HIVEP1: variants seen among roughly 807,000 people sequenced by gnomAD.
HIVEP1 encodes zinc finger protein 40.
A neutral mutation model predicts 180.0 loss-of-function variants in HIVEP1; 36 were observed. That is an observed-to-expected ratio of 0.20 (90% CI 0.15 to 0.26). The LOEUF is 0.26. Among genes scored for constraint, HIVEP1 ranks in the 10% least tolerant of loss-of-function variants. The pLI, the probability that HIVEP1 is intolerant of heterozygous loss-of-function variation, is 1.00. For synonymous variants in HIVEP1, 1,239 were observed against 1,239.0 expected, an observed-to-expected ratio of 1.00 and a Z score of 0.00; for missense variants, 3,143 against 3,268.7, an observed-to-expected ratio of 0.96 and a Z score of 0.94.
chr6:12,119,442 A>G (rs1443818400), intron 3 of HIVEP1, among the ~76,000 whole-genome samples: 1 of 152,240 alleles, frequency 6.6e-6, no homozygotes, highest in Non-Finnish European at 1.5e-5. Context: ...ACCAGCTTCA[A>G]CCAGTCAACC....
At chr6:12,040,240 C>T (rs757893613) in intron 2 of HIVEP1, among the ~76,000 whole-genome samples, 4 of 152,002 alleles carry the variant, frequency 2.6e-5, no homozygotes, top group Non-Finnish European at 4.4e-5. Flanking sequence ...TAACTGTGTT[C>T]GAATCTTTGC....
intron 2 of HIVEP1, among the ~76,000 whole-genome samples, chr6:12,058,205 G>A (rs66727286): frequency 0.062 from 9,399 of 151,738 alleles, 342 homozygotes; most frequent in Middle Eastern, 0.17. Context: ...GTTTGTCAGT[G>A]TCAATATTGC....
chr6:12,167,644 TACA>T (rs1760747919), downstream of HIVEP1, among the ~76,000 whole-genome samples: 1 of 24,684 alleles, frequency 4.1e-5, no homozygotes, highest in African/African-American at 1.7e-4. Flanking sequence ...TATATACATA[TACA>T]TATATATGTT....
At chr6:12,015,043 G>C (rs1217612900) in intron 1 of HIVEP1, among the ~76,000 whole-genome samples, 1 of 152,214 alleles carries the variant, frequency 6.6e-6, no homozygotes, top group African/African-American at 2.4e-5. Flanking sequence ...CTCCTCACAC[G>C]TTCCTGGGAA....
intron 1 of HIVEP1, among the ~76,000 whole-genome samples, chr6:12,014,916 G>A (rs1298801612): frequency 6.6e-6 from 1 of 152,230 alleles, no homozygotes; most frequent in Non-Finnish European, 1.5e-5. Context: ...TTGCTGTCTG[G>A]AGCAGTGCTG....
intron 2 of HIVEP1, 84 bp from the exon 3 acceptor site, chr6:12,089,098 ACT>A: frequency 1.5e-6 from 1 of 683,316 alleles, no homozygotes; most frequent in Non-Finnish European, 2.6e-6. Context: ...GGTATCTGAC[ACT>A]GTTTAAAAGT....
chr6:12,076,757 A>G (rs1428525177), intron 2 of HIVEP1, among the ~76,000 whole-genome samples: 1 of 152,172 alleles, frequency 6.6e-6, no homozygotes, highest in African/African-American at 2.4e-5. Context: ...CAACACATGC[A>G]TTTTGGAGGG....
Position 12,163,545 on chromosome 6 carries a change from C to G in HIVEP1, c.7241C>G (p.Ser2414Cys), listed in dbSNP as rs1239021728. The change falls in exon 9 of 9, where the codon TCC becomes TGC. Residue 2414 changes from serine (S) to cysteine (C), a missense_variant. By Grantham distance (112) the Ser-to-Cys change is moderately radical (BLOSUM62 -1). Around this residue, in one of 12 missense-constraint regions of HIVEP1, gnomAD observed 595 missense variants for 602.2 expected, o/e 0.99. Transcript: ENST00000379388. ...GTGGTACCTGCTGGCCTCACATACT[C>G]CACGTTTGTGCCCCTTCAGGCTGGA... is the stretch of plus-strand genomic sequence containing the variant. ...IHVVPAGLTYSTFVPLQAGPV... is the reference protein window; with the variant it reads ...IHVVPAGLTYCTFVPLQAGPV... The G allele has an allele frequency of 1.9e-6, 3 of 1,614,196 alleles. No homozygotes were observed. The highest frequency in any genetic ancestry group is 2.5e-6 in the Non-Finnish European group (3 of 1,180,034).
chr6:12,101,603 A>G (rs535674304), intron 3 of HIVEP1, among the ~76,000 whole-genome samples: 1 of 152,156 alleles, frequency 6.6e-6, no homozygotes, highest in Admixed American at 6.5e-5. Flanking sequence ...ATCTCTATAA[A>G]TGAAAAAATT....
chr6:12,065,674 TGTGTGTGTGTGTGTGTGC>T (rs1452007428), intron 2 of HIVEP1, among the ~76,000 whole-genome samples: 4 of 75,266 alleles, frequency 5.3e-5, no homozygotes, highest in African/African-American at 1.5e-4. Flanking sequence ...AGGTTTTGTG[TGTGTGTGTGTGTGTGTGC>T]GTGTGTGTGT....
chr6:12,206,238 A>G, the HIVEP1 span, among the ~76,000 whole-genome samples: 1 of 152,098 alleles, frequency 6.6e-6, no homozygotes, highest in South Asian at 2.1e-4. Context: ...ATTTCAACCA[A>G]TTCTCCTGCC....
At chr6:12,130,965 A>G (rs775993564) in intron 6 of HIVEP1, 23 bp downstream of exon 6, 190 of 1,555,846 alleles carry the variant, frequency 1.2e-4, no homozygotes, top group Admixed American at 1.8e-4. Context: ...CATTGCTTCA[A>G]GGTCCTTTTA....
intron 8 of HIVEP1, among the ~76,000 whole-genome samples, chr6:12,163,003 T>C (rs1439344523): frequency 6.6e-6 from 1 of 152,152 alleles, no homozygotes; most frequent in Non-Finnish European, 1.5e-5. Flanking sequence ...CTGTGTACAA[T>C]ATGACAAAAT....
At chr6:12,045,397 C>G (rs1770059432) in intron 2 of HIVEP1, among the ~76,000 whole-genome samples, 1 of 152,162 alleles carries the variant, frequency 6.6e-6, no homozygotes, top group African/African-American at 2.4e-5. Context: ...TGTTAACATG[C>G]CAGGGCAGAT....
chr6:12,029,853 G>T (rs1395209066), intron 2 of HIVEP1, among the ~76,000 whole-genome samples: 3 of 151,920 alleles, frequency 2.0e-5, no homozygotes, highest in Admixed American at 6.6e-5. Context: ...CATACTAATA[G>T]GTCTTACATA....
chr6:12,036,371 A>G (rs144666065), intron 2 of HIVEP1, among the ~76,000 whole-genome samples: 96 of 152,350 alleles, frequency 6.3e-4, no homozygotes, highest in African/African-American at 2.1e-3. Context: ...GTAAAAATCC[A>G]CGTATGTATA....
upstream of HIVEP1, among the ~76,000 whole-genome samples, chr6:12,011,720 C>T (rs954432523): frequency 1.3e-4 from 20 of 148,994 alleles, no homozygotes; most frequent in African/African-American, 4.1e-4. Flanking sequence ...AGACCCGGGG[C>T]ACTGGCTCCG....
At chr6:12,099,491 T>C (rs1006831178) in intron 3 of HIVEP1, among the ~76,000 whole-genome samples, 3 of 151,668 alleles carry the variant, frequency 2.0e-5, no homozygotes, top group Admixed American at 1.3e-4. Flanking sequence ...CCTGGAGGAG[T>C]GTGTTTATTT....
At chr6:12,011,579 C>G (rs1194975635), upstream of HIVEP1, among the ~76,000 whole-genome samples, 1 of 150,402 alleles carries the variant, frequency 6.6e-6, no homozygotes, top group Non-Finnish European at 1.5e-5. Flanking sequence ...CCCCTCCCCC[C>G]CGGGCTGCGC....
Sources: allele counts gnomAD v4.1 joint callset (sites outside exome capture counted in the v4.1 genomes callset), GRCh38; gene constraint gnomAD v4.1.1; regional missense constraint gnomAD v4.1.1; transcripts MANE v1.5; gene names NCBI Gene and HGNC (gene_info 2026-07-23, HGNC 2026-07-21).